BAIAP3: variants seen among roughly 807,000 people sequenced by gnomAD.
BAIAP3 encodes BAI1 associated protein 3, also known as BAI1-associated protein 3.
A neutral mutation model predicts 149.7 loss-of-function variants in BAIAP3; 180 were observed. That is an observed-to-expected ratio of 1.20 (90% CI 1.07 to 1.36). BAIAP3 has a LOEUF of 1.36. Ranked by LOEUF, BAIAP3 falls within the 40% of genes most tolerant of loss-of-function variation. The pLI, the probability that BAIAP3 is intolerant of heterozygous loss-of-function variation, is 0.00. For synonymous variants in BAIAP3, 845 were observed against 670.7 expected, an observed-to-expected ratio of 1.26 and a Z score of -4.02; for missense variants, 1,767 against 1,563.4, an observed-to-expected ratio of 1.13 and a Z score of -2.20.
In BAIAP3 at chr16:1,342,529, G is replaced by A; in HGVS notation, c.960G>A (p.Glu320=). Residue 320 remains glutamate (E), a splice_region_variant and synonymous_variant, in exon 12 of 34, where the codon GAG becomes GAA. Transcript: ENST00000426824. ...CCTGACCCCCATGCTACCCCCAGGA[G>A]GTGCCTGTGGCTGGCGTCGACCGCT... The part of the protein sequence containing the change: ...FLGCLNIPVR[E]VPVAGVDRWF... 2 of 1,552,498 alleles carry A rather than the reference G, an allele frequency of 1.3e-6. No individual in the cohort carries two copies. Among genetic ancestry groups the A allele is most frequent in the Non-Finnish European group, 8.7e-7 (1 of 1,148,174 alleles).
At position 1,346,510 on chromosome 16, in the gene BAIAP3, G is replaced by A. The variant is rs2034376959; in HGVS notation, c.2562G>A (p.Glu854=). ...CGCCTGACTCCATCCAGAACGATGA[G>A]GTGAGTGCCGGGGCGAGGGGCCGTG... ...SLSPDSIQND[E]AVAPLMKYLD... The change falls in exon 26 of 34, where the codon GAG becomes GAA. Residue 854 remains glutamate (E), a splice_region_variant and synonymous_variant. Transcript: ENST00000426824. 1.2e-6 allele frequency: 2 copies of A among 1,609,904 alleles called. No homozygotes were observed. Among genetic ancestry groups the A allele is most frequent in the Non-Finnish European group, 1.7e-6 (2 of 1,178,606 alleles).
At chr16:1,347,046 C>T in intron 28 of BAIAP3, 91 bp downstream of exon 28, 1 of 1,280,800 alleles carries the variant, frequency 7.8e-7, no homozygotes, top group South Asian at 1.3e-5. Context: ...GCCTGGTCTC[C>T]TGTGGCTGGA....
At chr16:1,343,902 C>CA (rs752790879) in intron 15 of BAIAP3, 120 bp from the exon 16 acceptor site, 52 of 1,488,456 alleles carry the variant, frequency 3.5e-5, no homozygotes, top group Middle Eastern at 2.4e-4. Flanking sequence ...GGGTGCTGCT[C>CA]AGAGCAGAGC....
rs574896280 is a variant in BAIAP3, at chr16:1,346,342, C to T, written c.2474C>T (p.Thr825Ile). The T allele has an allele frequency of 1.2e-6, 2 of 1,605,976 alleles. No individual in the cohort carries two copies. The highest frequency in any genetic ancestry group is 1.7e-4 in the Middle Eastern group (1 of 6,042). Residue 825 changes from threonine to isoleucine, a missense_variant, in exon 25 of 34, where the codon ACA (threonine) becomes ATA (isoleucine). Physicochemically the swap from Thr to Ile is moderately conservative, Grantham distance 89. Transcript: ENST00000426824. ...DDLQREAHTVTAHLTSKMVGD... is the reference protein window; with the variant it reads ...DDLQREAHTVIAHLTSKMVGD... ...CTGCAACGGGAGGCCCACACGGTGA[C>T]AGCGCACCTGACCTCTAAGGTGGGT...
intron 21 of BAIAP3, 27 bp from the exon 22 acceptor site, chr16:1,345,222 C>T (rs375091615): frequency 9.0e-5 from 145 of 1,611,358 alleles, no homozygotes; most frequent in South Asian, 2.2e-4. Flanking sequence ...GAGTCAGGGC[C>T]GAGCCCTCAC....
At chr16:1,339,340 G>C in intron 4 of BAIAP3, 96 bp downstream of exon 4, 1 of 1,515,172 alleles carries the variant, frequency 6.6e-7, no homozygotes, top group Non-Finnish European at 8.9e-7. Flanking sequence ...TCTGGTGATG[G>C]CAGAGAGCCA....
At chr16:1,339,999 GCA>G (rs2033777995) in intron 5 of BAIAP3, among the ~76,000 whole-genome samples, 1 of 60,846 alleles carries the variant, frequency 1.6e-5, no homozygotes. Context: ...GCATACAGAT[GCA>G]CACGCACACA....
Position 1,338,661 on chromosome 16 carries a change from G to C in BAIAP3, c.112G>C (p.Glu38Gln). The C allele has an allele frequency of 6.9e-6, 11 of 1,587,496 alleles. No individual in the cohort carries two copies. The highest frequency in any genetic ancestry group is 9.4e-6 in the Non-Finnish European group (11 of 1,168,790). ...DPGSASADPQ[E>Q]PATGAWKPGD... ...AGGGAGTGCCAGCGCCGACCCGCAG[G>C]AGCCTGCCACGGGGGCCTGGTGGGT... Residue 38 changes from glutamate (E) to glutamine (Q), a missense_variant, in exon 2 of 34, where the codon GAG (glutamate) becomes CAG (glutamine). Physicochemically the swap from Glu to Gln is conservative, Grantham distance 29. Coordinates refer to ENST00000426824, the MANE Select transcript of BAIAP3 (RefSeq NM_001199097.2).
At position 1,346,930 on chromosome 16, in the gene BAIAP3, A is replaced by G. The variant is rs766502114; in HGVS notation, c.2726A>G (p.Tyr909Cys). ...GANRDVSADF[Y>C]SRFHFTLEAL... ...AACCGTGACGTCTCTGCTGATTTCT[A>G]CAGCCGCTTCCATTTCACGCTGGAG... Residue 909 changes from tyrosine to cysteine, a missense_variant, in exon 28 of 34, where the codon TAC becomes TGC. By Grantham distance (194) the Tyr-to-Cys change is radical (BLOSUM62 -2). Coordinates refer to ENST00000426824, the MANE Select transcript of BAIAP3 (RefSeq NM_001199097.2). The G allele has an allele frequency of 1.9e-6, 3 of 1,611,176 alleles. No homozygotes were observed. Among genetic ancestry groups the G allele is most frequent in the Non-Finnish European group, 2.5e-6 (3 of 1,179,684 alleles).
At position 1,346,335 on chromosome 16, in the gene BAIAP3, A is replaced by G. The variant is rs2034362046; in HGVS notation, c.2467A>G (p.Thr823Ala). 6.2e-7 allele frequency: 1 copy of G among 1,604,882 alleles called. No homozygotes were observed. The highest frequency in any genetic ancestry group is 8.5e-7 in the Non-Finnish European group (1 of 1,173,604). The change falls in exon 25 of 34, where the codon ACG becomes GCG. Residue 823 changes from threonine to alanine, a missense_variant. Physicochemically the swap from Thr to Ala is moderately conservative, Grantham distance 58. Transcript: ENST00000426824. ...LDDDLQREAH[T>A]VTAHLTSKMV... ...CGATGATCTGCAACGGGAGGCCCAC[A>G]CGGTGACAGCGCACCTGACCTCTAA...
Position 1,349,036 on chromosome 16 carries a change from A to AG in BAIAP3, c.*556dup, listed in dbSNP as rs1177199689. The stretch of plus-strand genomic sequence containing the variant: ...CCCACGGGGCTCCCAGGCCGGGGAA[A>AG]GGTTCCCCTGAGGTCACTCTGAGGC... On this transcript the variant is annotated 3_prime_UTR_variant, in exon 34 of 34. Transcript: ENST00000426824. 3.5e-6 allele frequency: 1 copy of AG among 285,092 alleles called. No homozygotes were observed. Among genetic ancestry groups the AG allele is most frequent in the East Asian group, 9.7e-5 (1 of 10,292 alleles). 17.7% of individuals were successfully genotyped at this position (285,092 alleles called of 1,614,324 possible). A position where few individuals can be genotyped will look rare whatever the true frequency, so the allele number is the denominator to read the frequency against.
intron 14 of BAIAP3, 132 bp from the exon 15 acceptor site, chr16:1,343,261 G>A: frequency 7.3e-7 from 1 of 1,361,910 alleles, no homozygotes; most frequent in Non-Finnish European, 1.0e-6. Flanking sequence ...GGCAGGGAAA[G>A]GGGCAGTGCT....
At position 1,338,995 on chromosome 16, in the gene BAIAP3, G is replaced by T; in HGVS notation, c.219+6G>T. ...AGGGCTTGCCGTGCCTCGAGGTAAG[G>T]GTGCCACCCCCAGGGCCCGATACCA... is the stretch of plus-strand genomic sequence containing the variant. On this transcript the variant is annotated splice_donor_region_variant and intron_variant, in intron 3 of 33. Coordinates refer to ENST00000426824, the MANE Select transcript of BAIAP3 (RefSeq NM_001199097.2). 6.2e-7 allele frequency: 1 copy of T among 1,612,582 alleles called. No individual in the cohort carries two copies. The highest frequency in any genetic ancestry group is 1.1e-5 in the South Asian group (1 of 91,060).
intron 8 of BAIAP3, 70 bp downstream of exon 8, chr16:1,341,559 A>T: frequency 6.5e-7 from 1 of 1,530,352 alleles, no homozygotes; most frequent in Non-Finnish European, 8.8e-7. Flanking sequence ...CTGTGCCTGG[A>T]GGGTGGTGGC....
intron 29 of BAIAP3, 51 bp from the exon 30 acceptor site, chr16:1,347,494 G>C (rs2034458450): frequency 6.4e-7 from 1 of 1,557,108 alleles, no homozygotes; most frequent in Non-Finnish European, 8.7e-7. Context: ...CCAAGTGCCA[G>C]CGCTGACCAC....
At position 1,344,259 on chromosome 16, in the gene BAIAP3, CCTT is replaced by C. The variant is rs752930516; in HGVS notation, c.1545_1547del (p.Phe516del). On this transcript the variant is annotated inframe_deletion, in exon 17 of 34. Transcript: ENST00000426824. ...GGCAAGCTGCAGCTCTTCCAACCCT[CCTT>C]TGAGATCTGCCCCTTCGAGTCGGAG... 1.5e-5 allele frequency: 25 copies of C among 1,613,678 alleles called. No homozygotes were observed. Among genetic ancestry groups the C allele is most frequent in the Non-Finnish European group, 1.9e-5 (23 of 1,180,004 alleles).
chr16:1,339,451 G>A (rs1475052508), intron 4 of BAIAP3, 45 bp from the exon 5 acceptor site: 1 of 1,566,900 alleles, frequency 6.4e-7, no homozygotes, highest in South Asian at 1.1e-5. Context: ...CTGAGGGCTG[G>A]GGGCCTGGGA....
Position 1,347,554 on chromosome 16 carries a change from G to T in BAIAP3, c.2833G>T (p.Glu945Ter), listed in dbSNP as rs925320892. 1 of 1,609,092 alleles carries T rather than the reference G, an allele frequency of 6.2e-7. No individual in the cohort carries two copies. Among genetic ancestry groups the T allele is most frequent in the Admixed American group, 1.7e-5 (1 of 59,456 alleles). The change falls in exon 30 of 34, where the codon GAG becomes TAG. Residue 945 changes from glutamate (E) to a stop codon, truncating the protein, a stop_gained. Coordinates refer to ENST00000426824, the MANE Select transcript of BAIAP3 (RefSeq NM_001199097.2). LOFTEE classifies it high-confidence loss of function. The stretch of plus-strand genomic sequence containing the variant: ...GCGCTTCCCCCTGCAGAGGCTGAAG[G>T]AGGAGCTGCGGCTGCACAAATGTTC... ...LRDGSYKRLKEELRLHKCSTR... is the reference protein window; with the variant it reads ...LRDGSYKRLK
chr16:1,339,473 G>A, intron 4 of BAIAP3, 23 bp from the exon 5 acceptor site: 1 of 1,595,852 alleles, frequency 6.3e-7, no homozygotes, highest in Non-Finnish European at 8.6e-7. Context: ...GCGGCACTGT[G>A]GCCGCCCTTC....
Sources: gnomAD v4.1 joint callset for allele counts (sites outside exome capture counted in the v4.1 genomes callset) on GRCh38, gnomAD v4.1.1 for gene constraint, MANE v1.5 for transcripts, NCBI Gene and HGNC (gene_info 2026-07-23, HGNC 2026-07-21) for gene names.